ARHGAP29: variants seen among roughly 807,000 people sequenced by gnomAD.
ARHGAP29 encodes the protein Rho GTPase activating protein 29.
In ARHGAP29, 43 loss-of-function variants were observed where a neutral mutation model predicts 122.6. That is an observed-to-expected ratio of 0.35 (90% CI 0.27 to 0.45). ARHGAP29 has a LOEUF of 0.45. Ranked by LOEUF, ARHGAP29 falls within the 20% of genes least tolerant of loss-of-function variation. The pLI, the probability that ARHGAP29 is intolerant of heterozygous loss-of-function variation, is 1.00. For synonymous variants in ARHGAP29, 506 were observed against 497.1 expected (o/e 1.02, Z -0.24); for missense variants, 1,303 against 1,477.2 (o/e 0.88, Z 1.93).
chr1:94,175,447 C>T (rs1359981892), intron 22 of ARHGAP29, among the ~76,000 whole-genome samples: 1 of 152,140 alleles, frequency 6.6e-6, no homozygotes, highest in East Asian at 1.9e-4. Context: ...CTCCATTCTC[C>T]TGCTTTTCTG....
intron 1 of ARHGAP29, among the ~76,000 whole-genome samples, chr1:94,264,122 C>G (rs1022027883): frequency 6.6e-6 from 1 of 152,162 alleles, no homozygotes; most frequent in Non-Finnish European, 1.5e-5. Context: ...CCAGAAAGAA[C>G]AAACTTATTC....
At chr1:94,174,978 C>A (rs1267469435) in intron 22 of ARHGAP29, among the ~76,000 whole-genome samples, 2 of 152,056 alleles carry the variant, frequency 1.3e-5, no homozygotes, top group East Asian at 3.9e-4. Context: ...TGAACAGCTA[C>A]AAAACACAAA....
At chr1:94,306,120 C>A in the ARHGAP29 span, among the ~76,000 whole-genome samples, 1 of 152,254 alleles carries the variant, frequency 6.6e-6, no homozygotes, top group African/African-American at 2.4e-5. Context: ...TACAAGGCAT[C>A]ATTTCTGCTT....
intron 19 of ARHGAP29, 114 bp downstream of exon 19, chr1:94,184,037 C>T (rs564996786): frequency 1.6e-5 from 18 of 1,133,834 alleles, no homozygotes; most frequent in African/African-American, 1.6e-4. Flanking sequence ...AGCAAGATAC[C>T]TATACCGTCT....
At chr1:94,230,867 A>C (rs1204935247) in intron 2 of ARHGAP29, among the ~76,000 whole-genome samples, 2 of 151,864 alleles carry the variant, frequency 1.3e-5, no homozygotes, top group Non-Finnish European at 3.0e-5. Flanking sequence ...CTCATGCTCC[A>C]TTATTCATTT....
At chr1:94,250,159 G>A (rs556968073) in intron 1 of ARHGAP29, among the ~76,000 whole-genome samples, 2 of 152,284 alleles carry the variant, frequency 1.3e-5, no homozygotes, top group South Asian at 4.1e-4. Context: ...TTCCATGTGG[G>A]TGGTGGAGGT....
At chr1:94,262,196 C>T (rs1486720162) in intron 1 of ARHGAP29, among the ~76,000 whole-genome samples, 1 of 152,146 alleles carries the variant, frequency 6.6e-6, no homozygotes, top group Non-Finnish European at 1.5e-5. Flanking sequence ...GGATAACTGG[C>T]TAGCCATATG....
At chr1:94,295,864 T>C in the ARHGAP29 span, among the ~76,000 whole-genome samples, 1 of 151,780 alleles carries the variant, frequency 6.6e-6, no homozygotes. Context: ...AACAGGATTG[T>C]AGAGAACCCT....
At chr1:94,297,742 G>T in the ARHGAP29 span, among the ~76,000 whole-genome samples, 1 of 152,194 alleles carries the variant, frequency 6.6e-6, no homozygotes, top group Non-Finnish European at 1.5e-5. Context: ...GGGGGTTCTT[G>T]TTGGGAATGC....
the ARHGAP29 span, among the ~76,000 whole-genome samples, chr1:94,310,945 C>T: frequency 6.6e-6 from 1 of 152,300 alleles, no homozygotes; most frequent in East Asian, 1.9e-4. Flanking sequence ...TGGCTTCCTT[C>T]TACTCTCCCA....
chr1:94,232,277 C>T (rs923934453), intron 1 of ARHGAP29, among the ~76,000 whole-genome samples: 1 of 151,860 alleles, frequency 6.6e-6, no homozygotes, highest in African/African-American at 2.4e-5. Flanking sequence ...GTAGGGATTA[C>T]ATGACGCGAT....
intron 6 of ARHGAP29, 53 bp downstream of exon 6, chr1:94,205,582 T>C (rs1181749960): frequency 2.7e-6 from 4 of 1,497,574 alleles, no homozygotes; most frequent in South Asian, 1.2e-5. Context: ...AGGACATTCA[T>C]AGAAAGTAAC....
At chr1:94,185,318 A>T (rs746744695) in intron 17 of ARHGAP29, 24 bp downstream of exon 17, 1 of 1,550,992 alleles carries the variant, frequency 6.4e-7, no homozygotes, top group South Asian at 1.3e-5. Flanking sequence ...TAAAAGGGTC[A>T]ACACAATTCC....
chr1:94,190,660 C>T (rs1382950171), intron 12 of ARHGAP29: 6 of 152,164 alleles, frequency 3.9e-5, no homozygotes, highest in Admixed American at 3.9e-4. Context: ...CAGCAGCTGA[C>T]AAGTGTGTAC....
At chr1:94,294,282 A>ACG in the ARHGAP29 span, among the ~76,000 whole-genome samples, 226 of 151,418 alleles carry the variant, frequency 1.5e-3, no homozygotes, top group African/African-American at 5.1e-3. Flanking sequence ...ACACACACAC[A>ACG]CGCGCATATA....
At chr1:94,181,508 G>C (rs1250607053) in intron 19 of ARHGAP29, among the ~76,000 whole-genome samples, 1 of 152,046 alleles carries the variant, frequency 6.6e-6, no homozygotes, top group Non-Finnish European at 1.5e-5. Flanking sequence ...TTACAGGACT[G>C]GTACCACACT....
intron 2 of ARHGAP29, among the ~76,000 whole-genome samples, chr1:94,225,203 T>C (rs569482348): frequency 6.6e-6 from 1 of 152,254 alleles, no homozygotes; most frequent in African/African-American, 2.4e-5. Flanking sequence ...GAAAGTTAAG[T>C]GGCTGCTTGA....
intron 3 of ARHGAP29, 112 bp from the exon 4 acceptor site, chr1:94,209,462 C>T: frequency 1.7e-6 from 1 of 590,614 alleles, no homozygotes; most frequent in Non-Finnish European, 2.7e-6. Flanking sequence ...TTAGAAGATT[C>T]AGAAATTGAA....
At chr1:94,289,453 T>C in the ARHGAP29 span, among the ~76,000 whole-genome samples, 1 of 152,210 alleles carries the variant, frequency 6.6e-6, no homozygotes, top group African/African-American at 2.4e-5. Flanking sequence ...ACAGTTTGAC[T>C]TCCTCTTTTC....
Sources: allele counts gnomAD v4.1 joint callset (sites outside exome capture counted in the v4.1 genomes callset), GRCh38; gene constraint gnomAD v4.1.1; transcripts MANE v1.5; gene names NCBI Gene and HGNC (gene_info 2026-07-23, HGNC 2026-07-21).